VPS8: variants seen among roughly 807,000 people sequenced by gnomAD.
The protein encoded by VPS8 is VPS8 subunit of CORVET complex.
In VPS8, 129 loss-of-function variants were observed where a neutral mutation model predicts 216.4. The observed-to-expected ratio is 0.60, with a 90% CI of 0.52 to 0.69. The LOEUF (loss-of-function observed/expected upper bound fraction) is 0.69, where lower values mean the gene tolerates loss of function less well. VPS8 is among the 30% of genes least tolerant of loss of function. The probability of loss-of-function intolerance (pLI) is 0.00; values close to 1 mark genes in which losing one functional copy is unlikely to be tolerated. For synonymous variants in VPS8, 571 were observed against 565.4 expected (o/e 1.01, Z -0.14); for missense variants, 1,531 against 1,683.5 (o/e 0.91, Z 1.59).
chr3:184,848,966 G>C, intron 8 of VPS8, 105 bp from the exon 9 acceptor site: 1 of 1,244,772 alleles, frequency 8.0e-7, no homozygotes, highest in Non-Finnish European at 1.1e-6. Flanking sequence ...ATTATCTGCT[G>C]CTTTTGATTC....
chr3:184,828,665 C>T (rs1719336771), intron 3 of VPS8, among the ~76,000 whole-genome samples: 1 of 152,158 alleles, frequency 6.6e-6, no homozygotes, highest in South Asian at 2.1e-4. Flanking sequence ...TTTCTAATCT[C>T]CCAGTTTCTG....
chr3:184,985,819 A>G (rs547008717), intron 42 of VPS8, among the ~76,000 whole-genome samples: 103 of 152,344 alleles, frequency 6.8e-4, no homozygotes, highest in African/African-American at 2.4e-3. Flanking sequence ...GGACTGGAAG[A>G]GTGAAAAAGC....
chr3:184,942,180 A>G (rs1353655124), intron 36 of VPS8, among the ~76,000 whole-genome samples: 1 of 152,180 alleles, frequency 6.6e-6, no homozygotes, highest in Non-Finnish European at 1.5e-5. Context: ...GGCATATCAC[A>G]AGTATCAAAG....
At chr3:184,863,702 G>A (rs922133986) in intron 16 of VPS8, among the ~76,000 whole-genome samples, 1 of 152,156 alleles carries the variant, frequency 6.6e-6, no homozygotes, top group Non-Finnish European at 1.5e-5. Flanking sequence ...TTATAGTTCA[G>A]TCACCTTGAA....
At chr3:184,817,710 T>A (rs1716640186) in intron 1 of VPS8, among the ~76,000 whole-genome samples, 1 of 152,344 alleles carries the variant, frequency 6.6e-6, no homozygotes, top group Non-Finnish European at 1.5e-5. Context: ...ACTGATAGAT[T>A]TAATTTGCAA....
At chr3:185,030,228 A>G (rs768410915) in intron 46 of VPS8, among the ~76,000 whole-genome samples, 1 of 152,214 alleles carries the variant, frequency 6.6e-6, no homozygotes, top group Admixed American at 6.5e-5. Flanking sequence ...CCACTCAGCT[A>G]TGATGCATCT....
At chr3:184,836,453 A>G (rs1442712043) in intron 5 of VPS8, 9 of 365,442 alleles carry the variant, frequency 2.5e-5, no homozygotes. Context: ...ACTCTGAACA[A>G]TGATTAGATA....
chr3:184,957,556 C>T, intron 37 of VPS8, 35 bp downstream of exon 37: 4 of 1,565,136 alleles, frequency 2.6e-6, no homozygotes. Context: ...CAAGAGTAAA[C>T]TCTTCTTAAC....
At chr3:184,904,477 T>A (rs1274141688) in intron 25 of VPS8, among the ~76,000 whole-genome samples, 3 of 152,222 alleles carry the variant, frequency 2.0e-5, no homozygotes, top group Non-Finnish European at 4.4e-5. Flanking sequence ...TGTCCTTTAT[T>A]TTATTGATAT....
At chr3:184,975,910 G>A (rs559328691) in intron 40 of VPS8, among the ~76,000 whole-genome samples, 3 of 152,176 alleles carry the variant, frequency 2.0e-5, no homozygotes, top group Admixed American at 1.3e-4. Flanking sequence ...TAATCATGGC[G>A]TATTACAGTC....
intron 21 of VPS8, among the ~76,000 whole-genome samples, chr3:184,877,763 A>C (rs1266436827): frequency 6.6e-6 from 1 of 152,226 alleles, no homozygotes; most frequent in Non-Finnish European, 1.5e-5. Context: ...TCTCAGACCA[A>C]TGTGTTGTTA....
At chr3:184,873,956 C>T (rs922628925) in intron 21 of VPS8, among the ~76,000 whole-genome samples, 1 of 152,256 alleles carries the variant, frequency 6.6e-6, no homozygotes, top group East Asian at 1.9e-4. Context: ...CTCTGGAAAA[C>T]GTGACCTTCA....
intron 1 of VPS8, 78 bp from the exon 2 acceptor site, chr3:184,824,467 T>G: frequency 1.4e-6 from 1 of 720,632 alleles, no homozygotes. Flanking sequence ...AGTAAGTCTT[T>G]GGAATGTCCA....
At chr3:184,941,751 T>A (rs1423745363) in intron 36 of VPS8, among the ~76,000 whole-genome samples, 1 of 152,170 alleles carries the variant, frequency 6.6e-6, no homozygotes, top group African/African-American at 2.4e-5. Context: ...TTCACTGCTC[T>A]GCCCTTAGGA....
intron 40 of VPS8, among the ~76,000 whole-genome samples, chr3:184,979,423 T>G: frequency 6.6e-6 from 1 of 152,232 alleles, no homozygotes; most frequent in East Asian, 1.9e-4. Flanking sequence ...ACTATTATTG[T>G]GTGATTATCT....
At chr3:185,010,505 TAGA>T (rs1378084006) in intron 45 of VPS8, among the ~76,000 whole-genome samples, 2 of 151,934 alleles carry the variant, frequency 1.3e-5, no homozygotes, top group South Asian at 4.2e-4. Context: ...TTCAAGAAGC[TAGA>T]AGAACAATTG....
At chr3:184,840,863 T>C (rs1560336332) in intron 7 of VPS8, among the ~76,000 whole-genome samples, 1 of 152,194 alleles carries the variant, frequency 6.6e-6, no homozygotes, top group South Asian at 2.1e-4. Flanking sequence ...GACTTCTATA[T>C]GGATTACCTG....
At chr3:184,856,942 C>T (rs977460769) in intron 14 of VPS8, among the ~76,000 whole-genome samples, 8 of 152,178 alleles carry the variant, frequency 5.3e-5, no homozygotes, top group African/African-American at 1.7e-4. Context: ...GGCTGACTCT[C>T]GAACTCCTGG....
At chr3:185,045,140 C>T (rs1046596312) in intron 46 of VPS8, among the ~76,000 whole-genome samples, 4 of 152,242 alleles carry the variant, frequency 2.6e-5, no homozygotes, top group African/African-American at 7.2e-5. Flanking sequence ...TCAGTCCACT[C>T]GTCCTACTCC....
Sources: gnomAD v4.1 joint callset for allele counts (sites outside exome capture counted in the v4.1 genomes callset) on GRCh38, gnomAD v4.1.1 for gene constraint, MANE v1.5 for transcripts, NCBI Gene and HGNC (gene_info 2026-07-23, HGNC 2026-07-21) for gene names.